Variants in DENND5A observed in about 807,000 individuals in gnomAD.
DENND5A encodes DENN domain containing 5A.
A neutral mutation model predicts 140.3 loss-of-function variants in DENND5A; 64 were observed. That is an observed-to-expected ratio of 0.46 (90% CI 0.37 to 0.56). DENND5A has a LOEUF of 0.56. DENND5A is among the 20% of genes least tolerant of loss of function. The probability of loss-of-function intolerance (pLI) is 0.00; values close to 1 mark genes in which losing one functional copy is unlikely to be tolerated. For synonymous variants in DENND5A, 605 were observed against 607.7 expected (o/e 1.00, Z 0.07); for missense variants, 1,292 against 1,593.8 (o/e 0.81, Z 3.22).
intron 4 of DENND5A, among the ~76,000 whole-genome samples, chr11:9,197,662 T>C (rs947339416): frequency 6.6e-6 from 1 of 152,132 alleles, no homozygotes; most frequent in Non-Finnish European, 1.5e-5. Context: ...GCCACTGCAC[T>C]CTAGCCTGGG....
At chr11:9,150,592 C>T (rs1036009368) in intron 14 of DENND5A, 88 bp downstream of exon 14, 2 of 843,014 alleles carry the variant, frequency 2.4e-6, no homozygotes, top group Non-Finnish European at 3.9e-6. Flanking sequence ...CTGTAGCAGC[C>T]ACTGAGACCT....
Position 9,178,375 on chromosome 11 carries a change from A to C in DENND5A, c.1672-9T>G. ...TCTGACAGAAAAGATGCCTGGTGGG[A>C]CCAAAAAGAAGCAGTAATTGACAGG... On this transcript the variant is annotated splice_polypyrimidine_tract_variant and intron_variant, in intron 7 of 22. Transcript: ENST00000328194. 1.3e-6 allele frequency: 2 copies of C among 1,554,754 alleles called. No individual in the cohort carries two copies. Among genetic ancestry groups the C allele is most frequent in the Non-Finnish European group, 1.8e-6 (2 of 1,126,886 alleles).
At chr11:9,230,561 T>G (rs1564928935) in intron 1 of DENND5A, among the ~76,000 whole-genome samples, 1 of 152,100 alleles carries the variant, frequency 6.6e-6, no homozygotes, top group African/African-American at 2.4e-5. Context: ...TCTTGTTAAT[T>G]TGTCTTTTGT....
chr11:9,206,714 T>G lies in DENND5A; in HGVS notation c.250A>C (p.Asn84His). Residue 84 changes from asparagine to histidine, a missense_variant, in exon 3 of 23, where the codon AAC becomes CAC. By Grantham distance (68) the Asn-to-His change is moderately conservative. This residue lies in a region of DENND5A where 566 missense variants were observed against 650.4 expected (regional missense o/e 0.87). Coordinates refer to ENST00000328194, the MANE Select transcript of DENND5A (RefSeq NM_015213.4). ...TGGTCAAAGGGATTCCATTCTACGT[T>G]CTCAGGATATCGTGCAAGGACCTTA... ...KSKVLARYPE[N>H]VEWNPFDQDA... 6.2e-7 allele frequency: 1 copy of G among 1,613,942 alleles called. No homozygotes were observed. Among genetic ancestry groups the G allele is most frequent in the Non-Finnish European group, 8.5e-7 (1 of 1,179,898 alleles).
chr11:9,240,522 C>A (rs1851190943), intron 1 of DENND5A, among the ~76,000 whole-genome samples: 1 of 152,134 alleles, frequency 6.6e-6, no homozygotes, highest in African/African-American at 2.4e-5. Context: ...CCAGCCTGGG[C>A]AACGTGGTGA....
At chr11:9,170,912 T>G in intron 8 of DENND5A, 135 bp from the exon 9 acceptor site, 2 of 1,444,702 alleles carry the variant, frequency 1.4e-6, no homozygotes, top group Non-Finnish European at 1.8e-6. Flanking sequence ...GGACTGATTT[T>G]CCTGCCTAAT....
intron 12 of DENND5A, among the ~76,000 whole-genome samples, chr11:9,157,814 T>C (rs1268256421): frequency 1.3e-5 from 2 of 152,224 alleles, no homozygotes; most frequent in Non-Finnish European, 2.9e-5. Flanking sequence ...GTCTTTATGG[T>C]AGAACAATTA....
At chr11:9,221,299 C>T (rs1238470081) in intron 1 of DENND5A, among the ~76,000 whole-genome samples, 3 of 151,284 alleles carry the variant, frequency 2.0e-5, no homozygotes, top group African/African-American at 7.3e-5. Context: ...GGCATGGTGG[C>T]GAGTGCCTGT....
intron 8 of DENND5A, chr11:9,171,700 A>AC (rs1356691386): frequency 6.6e-6 from 1 of 151,498 alleles, no homozygotes; most frequent in Non-Finnish European, 1.5e-5. Context: ...ATCTCTTCAA[A>AC]AAAAAAAAAA....
chr11:9,217,683 A>C (rs1362581009), intron 1 of DENND5A, among the ~76,000 whole-genome samples: 2 of 152,230 alleles, frequency 1.3e-5, no homozygotes, highest in Non-Finnish European at 2.9e-5. Context: ...CGATTGCACA[A>C]CTCTGCAAAT....
At chr11:9,188,745 G>A (rs1206191022) in intron 5 of DENND5A, among the ~76,000 whole-genome samples, 3 of 152,162 alleles carry the variant, frequency 2.0e-5, no homozygotes, top group Non-Finnish European at 4.4e-5. Context: ...TAGGGTATCT[G>A]GCAGAAGAAA....
In DENND5A at chr11:9,185,992, A is replaced by G. The variant is rs118132846; in HGVS notation, c.1138-4908T>C. 1.2e-4 allele frequency among the ~76,000 whole-genome samples: 19 copies of G among 152,330 alleles called. No homozygotes were observed. The East Asian group carries it at 3.7e-3, about 29-fold the overall frequency. Reference sequence around the variant, plus strand: ...ATAAAAAATAAAAAAGAAGACACTGAAGGGTAGGCGTAAGTCCAGCTTAAT... The same window carrying G: ...ATAAAAAATAAAAAAGAAGACACTGGAGGGTAGGCGTAAGTCCAGCTTAAT... On this transcript the variant is annotated intron_variant, in intron 5 of 22. Transcript: ENST00000328194.
chr11:9,178,199 C>T lies in DENND5A; in HGVS notation c.1839G>A (p.Leu613=), dbSNP rs1463643468. 6.2e-7 allele frequency: 1 copy of T among 1,614,046 alleles called. No homozygotes were observed. The highest frequency in any genetic ancestry group is 8.5e-7 in the Non-Finnish European group (1 of 1,180,016). Residue 613 remains leucine, a synonymous_variant, in exon 8 of 23, where the codon CTG becomes CTA. Coordinates refer to ENST00000328194, the MANE Select transcript of DENND5A (RefSeq NM_015213.4). The part of the protein sequence containing the change: ...VFDSRVDKIR[L]LNVRTPTLRT... ...GGAGAGTAGGTGTCCGAACATTCAA[C>T]AGCCTGATCTTGTCAACTCGGGAAT...
intron 15 of DENND5A, among the ~76,000 whole-genome samples, chr11:9,147,539 G>A (rs529278989): frequency 6.6e-6 from 1 of 152,286 alleles, no homozygotes; most frequent in South Asian, 2.1e-4. Context: ...AGTGGATGAA[G>A]GTCTGTGGTC....
At chr11:9,243,105 C>CAAAA (rs71453907) in intron 1 of DENND5A, among the ~76,000 whole-genome samples, 2 of 112,804 alleles carry the variant, frequency 1.8e-5, no homozygotes, top group African/African-American at 7.3e-5. Context: ...AAAAAAAAAA[C>CAAAA]AAAAAAAAAA....
intron 1 of DENND5A, among the ~76,000 whole-genome samples, chr11:9,232,857 G>A (rs900681144): frequency 1.3e-5 from 2 of 152,138 alleles, no homozygotes; most frequent in Non-Finnish European, 2.9e-5. Flanking sequence ...ATAAGGTGTG[G>A]TAAAGTCACA....
chr11:9,174,779 TA>T (rs1554917785), intron 8 of DENND5A, among the ~76,000 whole-genome samples: 1 of 111,192 alleles, frequency 9.0e-6, no homozygotes, highest in East Asian at 5.1e-4. Context: ...ATTACCTTGA[TA>T]GATACAGAAA....
At chr11:9,172,868 T>A (rs913898087) in intron 8 of DENND5A, among the ~76,000 whole-genome samples, 1 of 151,966 alleles carries the variant, frequency 6.6e-6, no homozygotes, top group South Asian at 2.1e-4. Context: ...CGGGCTAGAG[T>A]GCTGTGGTGT....
chr11:9,192,425 G>A (rs1429023025), intron 5 of DENND5A, among the ~76,000 whole-genome samples: 2 of 152,032 alleles, frequency 1.3e-5, no homozygotes, highest in East Asian at 1.9e-4. Flanking sequence ...TCAGGCGTTC[G>A]AGACCAGCCT....
Sources: gnomAD v4.1 joint callset for allele counts (sites outside exome capture counted in the v4.1 genomes callset) on GRCh38, gnomAD v4.1.1 for gene constraint, gnomAD v4.1.1 regional missense constraint, MANE v1.5 for transcripts, NCBI Gene and HGNC (gene_info 2026-07-23, HGNC 2026-07-21) for gene names.